Variants in RBFOX1 observed in about 807,000 individuals in gnomAD.
RBFOX1 encodes RNA binding protein fox-1 homolog 1.
Under a neutral mutation model 57.7 loss-of-function variants are expected in RBFOX1, and 8 were observed. The observed-to-expected ratio is 0.14, with a 90% CI of 0.08 to 0.25. The LOEUF (loss-of-function observed/expected upper bound fraction) is 0.25, where lower values mean the gene tolerates loss of function less well. Ranked by LOEUF, RBFOX1 falls within the 10% of genes least tolerant of loss-of-function variation. RBFOX1 has a pLI of 1.00. For synonymous variants in RBFOX1, 326 were observed against 222.4 expected, an observed-to-expected ratio of 1.47 and a Z score of -4.15; for missense variants, 611 against 548.5, an observed-to-expected ratio of 1.11 and a Z score of -1.14.
At chr16:5,726,286 T>C (rs575468496) in intron 3 of RBFOX1, among the ~76,000 whole-genome samples, 64 of 152,058 alleles carry the variant, frequency 4.2e-4, no homozygotes, top group African/African-American at 1.5e-3. Context: ...GGGGATGTAT[T>C]CAGATAATTC....
intron 1 of RBFOX1, among the ~76,000 whole-genome samples, chr16:5,298,038 G>C (rs2063710992): frequency 2.0e-5 from 3 of 148,994 alleles, no homozygotes; most frequent in Admixed American, 6.6e-5. Context: ...TTAACTTTTT[G>C]CAGTCATAGT....
At chr16:6,154,302 C>G (rs750583072) in intron 1 of RBFOX1, among the ~76,000 whole-genome samples, 2 of 152,136 alleles carry the variant, frequency 1.3e-5, no homozygotes, top group Non-Finnish European at 2.9e-5. Flanking sequence ...ATTGCAGTCA[C>G]TTTTGCACCA....
At chr16:6,922,605 C>G (rs765869489) in intron 3 of RBFOX1, among the ~76,000 whole-genome samples, 5 of 152,138 alleles carry the variant, frequency 3.3e-5, no homozygotes, top group Non-Finnish European at 5.9e-5. Context: ...ACATGTGATT[C>G]TTTTACTTGC....
intron 3 of RBFOX1, among the ~76,000 whole-genome samples, chr16:6,865,058 A>G (rs1282837471): frequency 8.3e-6 from 1 of 120,234 alleles, no homozygotes. Context: ...GCTGGAGTGC[A>G]GTGGCGCGAT....
chr16:6,766,530 G>T (rs1435983373), intron 3 of RBFOX1, among the ~76,000 whole-genome samples: 1 of 151,866 alleles, frequency 6.6e-6, no homozygotes, highest in African/African-American at 2.4e-5. Context: ...CTGTCCAATA[G>T]AACTTTCTGC....
At chr16:6,801,409 A>G (rs945075372) in intron 3 of RBFOX1, among the ~76,000 whole-genome samples, 8 of 152,124 alleles carry the variant, frequency 5.3e-5, no homozygotes, top group African/African-American at 1.9e-4. Flanking sequence ...TCCCTTGGGA[A>G]CTGCTCAGCT....
At chr16:5,964,303 T>A (rs2059804363) in intron 4 of RBFOX1, among the ~76,000 whole-genome samples, 1 of 152,156 alleles carries the variant, frequency 6.6e-6, no homozygotes, top group Non-Finnish European at 1.5e-5. Flanking sequence ...GGTGGGAATG[T>A]AAATTGGTAC....
chr16:5,429,501 T>G (rs1429978260), intron 1 of RBFOX1, among the ~76,000 whole-genome samples: 1 of 152,188 alleles, frequency 6.6e-6, no homozygotes, highest in East Asian at 1.9e-4. Flanking sequence ...GAGGGGCCTG[T>G]GGGGTCCTGG....
intron 4 of RBFOX1, among the ~76,000 whole-genome samples, chr16:7,272,133 A>C (rs1448824791): frequency 6.6e-6 from 1 of 152,182 alleles, no homozygotes; most frequent in East Asian, 1.9e-4. Flanking sequence ...TTGATTTCTA[A>C]TGGTTATGCA....
At position 7,448,637 on chromosome 16, in the gene RBFOX1, G is replaced by A. The variant is rs79166738; in HGVS notation, c.28-69510G>A. ...AAGACGAGATTTGGCTGGGGGCACA[G>A]CATAACTGTAGCAAAGGATTTGTTC... On this transcript the variant is annotated intron_variant, in intron 4 of 15. Coordinates refer to ENST00000550418, the MANE Select transcript of RBFOX1 (RefSeq NM_018723.4). Among the ~76,000 whole-genome samples, 1,161 of 152,294 alleles carry A rather than the reference G, an allele frequency of 7.6e-3. 10 individuals carry two copies. The highest frequency in any genetic ancestry group is 0.026 in the African/African-American group (1,093 of 41,546).
intron 3 of RBFOX1, among the ~76,000 whole-genome samples, chr16:6,983,007 A>T (rs1452559338): frequency 7.0e-6 from 1 of 142,466 alleles, no homozygotes; most frequent in African/African-American, 2.6e-5. Context: ...AAAAAAAAAA[A>T]AAAAAAAAAA....
intron 3 of RBFOX1, among the ~76,000 whole-genome samples, chr16:7,031,112 G>A (rs935397568): frequency 2.8e-4 from 43 of 152,180 alleles, no homozygotes; most frequent in African/African-American, 1.0e-3. Context: ...AGACTGGGTG[G>A]AGAGGAAGCA....
At chr16:7,230,689 G>C (rs181772175) in intron 4 of RBFOX1, among the ~76,000 whole-genome samples, 118 of 152,302 alleles carry the variant, frequency 7.7e-4, no homozygotes, top group African/African-American at 2.7e-3. Flanking sequence ...TAGAAGGGGA[G>C]AGCCACTTGG....
intron 3 of RBFOX1, among the ~76,000 whole-genome samples, chr16:5,652,510 A>T (rs957566634): frequency 6.6e-5 from 10 of 152,172 alleles, no homozygotes; most frequent in African/African-American, 2.4e-4. Context: ...TTTGTGCAAC[A>T]GGAGGGATGA....
intron 3 of RBFOX1, among the ~76,000 whole-genome samples, chr16:5,819,923 C>T (rs1174719983): frequency 2.0e-5 from 3 of 152,186 alleles, no homozygotes; most frequent in South Asian, 4.1e-4. Context: ...AGAGGGTTGG[C>T]CTTTCTGCTG....
chr16:6,609,929 A>T (rs1444671086), intron 2 of RBFOX1, among the ~76,000 whole-genome samples: 5 of 151,852 alleles, frequency 3.3e-5, no homozygotes, highest in Non-Finnish European at 7.4e-5. Context: ...ACTTGCTTGA[A>T]CCCAGGAGGT....
chr16:5,383,529 T>C (rs1484665762), intron 1 of RBFOX1, among the ~76,000 whole-genome samples: 1 of 152,208 alleles, frequency 6.6e-6, no homozygotes, highest in Non-Finnish European at 1.5e-5. Context: ...ACATAGAATA[T>C]TCAGAGGAAA....
intron 1 of RBFOX1, among the ~76,000 whole-genome samples, chr16:5,411,031 TG>T (rs1280292629): frequency 1.3e-5 from 2 of 152,236 alleles, no homozygotes; most frequent in African/African-American, 2.4e-5. Context: ...GCTCATTAAA[TG>T]TGAGTTGTTA....
intron 5 of RBFOX1, among the ~76,000 whole-genome samples, chr16:7,531,152 G>A (rs930465925): frequency 1.3e-5 from 2 of 152,264 alleles, no homozygotes; most frequent in South Asian, 2.1e-4. Context: ...AAAAAAATAT[G>A]TAGAGTTGCA....
Sources: gnomAD v4.1 joint callset for allele counts (sites outside exome capture counted in the v4.1 genomes callset) on GRCh38, gnomAD v4.1.1 for gene constraint, MANE v1.5 for transcripts, NCBI Gene and HGNC (gene_info 2026-07-23, HGNC 2026-07-21) for gene names.